BRSK2: variants seen among roughly 807,000 people sequenced by gnomAD.
BRSK2 encodes the protein serine/threonine-protein kinase BRSK2.
A neutral mutation model predicts 83.3 loss-of-function variants in BRSK2; 19 were observed. The observed-to-expected ratio is 0.23, with a 90% confidence interval of 0.16 to 0.33. The LOEUF is 0.33. Ranked by LOEUF, BRSK2 falls within the 10% of genes least tolerant of loss-of-function variation. BRSK2 has a pLI of 1.00. For synonymous variants in BRSK2, 519 were observed against 435.4 expected, an observed-to-expected ratio of 1.19 and a Z score of -2.39; for missense variants, 798 against 1,042.3, an observed-to-expected ratio of 0.77 and a Z score of 3.23.
Position 1,445,745 on chromosome 11 carries a change from G to A in BRSK2, c.1076-12G>A, listed in dbSNP as rs200452138. 368 of 1,611,220 alleles carry A rather than the reference G, an allele frequency of 2.3e-4. 1 individual carries two copies. The African/African-American group carries it at 3.7e-3, about 16-fold the overall frequency. ...CCGGGGGCTGTCTGGCCTGACCTTC[G>A]TCTGTACTCAGACCCTCCCCGGAAG... On this transcript the variant is annotated splice_polypyrimidine_tract_variant and intron_variant, in intron 11 of 19. Coordinates refer to ENST00000528841, the MANE Select transcript of BRSK2 (RefSeq NM_001256627.2).
chr11:1,460,408 T>C, intron 19 of BRSK2, 92 bp from the exon 20 acceptor site: 4 of 929,312 alleles, frequency 4.3e-6, no homozygotes, highest in East Asian at 3.8e-5. Flanking sequence ...TTTGTTCTCT[T>C]TCTCTCTCCT....
At chr11:1,407,446 C>A (rs1424423911) in intron 1 of BRSK2, among the ~76,000 whole-genome samples, 1 of 152,170 alleles carries the variant, frequency 6.6e-6, no homozygotes, top group Non-Finnish European at 1.5e-5. Context: ...CGTCTTCCTG[C>A]ACGGGCCTCC....
rs937387895 is a variant in BRSK2, at chr11:1,461,072, C to T, written c.*349C>T. On this transcript the variant is annotated 3_prime_UTR_variant, in exon 20 of 20. Transcript: ENST00000528841. ...CTCCCTCCGCTCCTGCTGTTGCTGC[C>T]GGGCAGTGAGGCCCAGCCCAGCGCC... 2.1e-5 allele frequency: 33 copies of T among 1,587,164 alleles called. No homozygotes were observed. Among genetic ancestry groups the T allele is most frequent in the Middle Eastern group, 1.7e-4 (1 of 6,028 alleles).
chr11:1,457,443 G>C (rs2133275606), intron 18 of BRSK2, among the ~76,000 whole-genome samples: 1 of 125,632 alleles, frequency 8.0e-6, no homozygotes, highest in East Asian at 2.2e-4. Context: ...AACCACCAGG[G>C]TCTAGGACCC....
chr11:1,450,262 G>A lies in BRSK2; in HGVS notation c.1288-325G>A, dbSNP rs1845652558. 4.8e-5 allele frequency among the ~76,000 whole-genome samples: 7 copies of A among 147,248 alleles called. No homozygotes were observed. In the South Asian group the frequency reaches 9.2e-4, roughly 19 times the overall value. ...TCCTGCCCCCACCGCCCCCCGAGCC[G>A]CCCTTCGTGGCCCGCCCCCTGGCCA... On this transcript the variant is annotated intron_variant, in intron 13 of 19. Coordinates refer to ENST00000528841, the MANE Select transcript of BRSK2 (RefSeq NM_001256627.2).
chr11:1,444,032 G>A (rs1053832688), intron 8 of BRSK2, among the ~76,000 whole-genome samples: 4 of 152,098 alleles, frequency 2.6e-5, no homozygotes, highest in Admixed American at 6.5e-5. Flanking sequence ...GCATGTGCAC[G>A]TGTGGGGAGG....
At chr11:1,449,060 C>T (rs899147436) in intron 12 of BRSK2, among the ~76,000 whole-genome samples, 2 of 152,216 alleles carry the variant, frequency 1.3e-5, no homozygotes, top group Non-Finnish European at 2.9e-5. Context: ...GGCACGTGGG[C>T]GCCGGCTCGT....
At chr11:1,449,379 G>T (rs1411073782) in intron 12 of BRSK2, among the ~76,000 whole-genome samples, 1 of 152,260 alleles carries the variant, frequency 6.6e-6, no homozygotes, top group Non-Finnish European at 1.5e-5. Flanking sequence ...CAGCCAGGGG[G>T]GGCTTGGCAG....
At chr11:1,445,089 C>G in intron 9 of BRSK2, 87 bp downstream of exon 9, 1 of 1,550,792 alleles carries the variant, frequency 6.4e-7, no homozygotes, top group Admixed American at 1.7e-5. Context: ...GGGAGGGCGC[C>G]GGCCCAGCGC....
At chr11:1,437,813 C>T (rs1276317557) in intron 2 of BRSK2, among the ~76,000 whole-genome samples, 23 of 152,202 alleles carry the variant, frequency 1.5e-4, no homozygotes, top group Admixed American at 1.5e-3. Flanking sequence ...TCTCCAACAG[C>T]TCCAGGCCCC....
At chr11:1,421,504 G>T (rs947801572) in intron 1 of BRSK2, among the ~76,000 whole-genome samples, 1 of 152,214 alleles carries the variant, frequency 6.6e-6, no homozygotes, top group South Asian at 2.1e-4. Flanking sequence ...TGCAGTGCGT[G>T]TGAAATGCTT....
intron 18 of BRSK2, among the ~76,000 whole-genome samples, chr11:1,457,645 C>G (rs909741333): frequency 2.0e-5 from 3 of 152,190 alleles, no homozygotes; most frequent in Middle Eastern, 3.4e-3. Flanking sequence ...CCGGCTGGAC[C>G]CTGGGGGTCC....
chr11:1,403,381 A>G (rs1846622428), intron 1 of BRSK2, among the ~76,000 whole-genome samples: 1 of 152,216 alleles, frequency 6.6e-6, no homozygotes, highest in Non-Finnish European at 1.5e-5. Flanking sequence ...CCTCCCCACC[A>G]GGGCTACCCT....
chr11:1,442,650 G>C (rs761136668), intron 5 of BRSK2, 44 bp downstream of exon 5: 2 of 1,515,310 alleles, frequency 1.3e-6, no homozygotes, highest in East Asian at 4.5e-5. Context: ...GGACAGGCTG[G>C]GCTGGGGGAA....
chr11:1,454,728 C>T lies in BRSK2; in HGVS notation c.1668+120C>T, dbSNP rs1846263755. The T allele has an allele frequency of 1.5e-6, 2 of 1,332,328 alleles. No homozygotes were observed. The highest frequency in any genetic ancestry group is 2.8e-5 in the South Asian group (2 of 72,528). The allele number at this position is 1,332,328 out of a possible 1,614,324, so 82.5% of individuals were successfully genotyped here. ...TCCACGCGCACAGCACGGACGTCCGCTCACCCGTGGGCCTGCCTGGCCGCC... is the reference window on the plus strand; with the variant it reads ...TCCACGCGCACAGCACGGACGTCCGTTCACCCGTGGGCCTGCCTGGCCGCC... On this transcript the variant is annotated intron_variant, in intron 16 of 19. Transcript: ENST00000528841. This position sits in a 1 kb window ranked among gnomAD's most constrained non-coding sequence, Gnocchi z 5.2.
chr11:1,449,633 G>T (rs1845558905), intron 12 of BRSK2, 143 bp from the exon 13 acceptor site: 4 of 654,316 alleles, frequency 6.1e-6, no homozygotes, highest in Non-Finnish European at 7.7e-6. Context: ...AATTGACAGG[G>T]TGTGCAGCAG....
In BRSK2 at chr11:1,445,678, C is replaced by T. The variant is rs774990808; in HGVS notation, c.1075+10C>T. 1.2e-6 allele frequency: 2 copies of T among 1,609,362 alleles called. No individual in the cohort carries two copies. Among genetic ancestry groups the T allele is most frequent in the Non-Finnish European group, 1.7e-6 (2 of 1,178,370 alleles). ...CCCCGGAACGAGATAGGTATGGGTC[C>T]AGGGGTGGCCTCCAGCCCGGCCTGC... On this transcript the variant is annotated intron_variant, in intron 11 of 19. Coordinates refer to ENST00000528841, the MANE Select transcript of BRSK2 (RefSeq NM_001256627.2).
chr11:1,450,956 G>A (rs553623612), intron 14 of BRSK2, among the ~76,000 whole-genome samples, 162 bp downstream of exon 14: 73 of 152,356 alleles, frequency 4.8e-4, no homozygotes, highest in African/African-American at 1.6e-3. Flanking sequence ...CCCAGCAGCA[G>A]CCTGTGTCCT....
chr11:1,451,448 G>C, intron 15 of BRSK2, 29 bp downstream of exon 15: 1 of 1,610,198 alleles, frequency 6.2e-7, no homozygotes, highest in Non-Finnish European at 8.5e-7. Context: ...AGGCCTCCTG[G>C]TACCTGACAC....
Sources: gnomAD v4.1 joint callset for allele counts (sites outside exome capture counted in the v4.1 genomes callset) on GRCh38, gnomAD v4.1.1 for gene constraint, Gnocchi (gnomAD v3.1) non-coding constraint, MANE v1.5 for transcripts, NCBI Gene and HGNC (gene_info 2026-07-23, HGNC 2026-07-21) for gene names.